Variants in RNF213 observed in about 807,000 individuals in gnomAD.
RNF213 encodes ring finger protein 213.
RNF213 carries 341 observed loss-of-function variants against 514.4 expected under a neutral mutation model. That is an observed-to-expected ratio of 0.66 (90% CI 0.61 to 0.73). The LOEUF (loss-of-function observed/expected upper bound fraction) is 0.73. RNF213 is among the 30% of genes least tolerant of loss of function. RNF213 has a pLI of 0.00. For synonymous variants in RNF213, 2,655 were observed against 2,658.2 expected, an observed-to-expected ratio of 1.00 and a Z score of 0.04; for missense variants, 5,767 against 6,615.6, an observed-to-expected ratio of 0.87 and a Z score of 4.45.
intron 11 of RNF213, among the ~76,000 whole-genome samples, chr17:80,303,139 C>G (rs917422312): frequency 2.0e-5 from 3 of 152,186 alleles, no homozygotes; most frequent in African/African-American, 7.2e-5. Context: ...TGCTCCTGGC[C>G]TTGTGGAGCT....
In RNF213 at chr17:80,376,928, G is replaced by A. The variant is rs762926741; in HGVS notation, c.13475G>A (p.Arg4492Gln). 4.0e-5 allele frequency: 64 copies of A among 1,613,924 alleles called. No homozygotes were observed. Among genetic ancestry groups the A allele is most frequent in the Non-Finnish European group, 5.2e-5 (61 of 1,179,998 alleles). The change falls in exon 53 of 68, where the codon CGG becomes CAG. Residue 4492 changes from arginine to glutamine, a missense_variant. By Grantham distance (43) the Arg-to-Gln change is conservative (BLOSUM62 1). This residue lies in a region of RNF213 where 1,245 missense variants were observed against 1,339.0 expected (regional missense o/e 0.93). Transcript: ENST00000582970. ...TMPEDLLAQARRWKGLERVHW... is the reference protein window; with the variant it reads ...TMPEDLLAQAQRWKGLERVHW... ...CCTGAAGACTTGCTGGCTCAAGCTC[G>A]GAGGTGGAAGGGTCTGGAGCGAGTC...
chr17:80,312,979 G>A, intron 14 of RNF213, 33 bp from the exon 15 acceptor site: 1 of 1,613,356 alleles, frequency 6.2e-7, no homozygotes, highest in Non-Finnish European at 8.5e-7. Context: ...CCACAGCCGA[G>A]GATGACTGAC....
intron 8 of RNF213, among the ~76,000 whole-genome samples, chr17:80,294,170 A>C (rs2044850538): frequency 6.6e-6 from 1 of 152,178 alleles, no homozygotes; most frequent in South Asian, 2.1e-4. Context: ...TATCGTTTGC[A>C]ATGGAGCCTA....
rs2143297942 is a variant in RNF213, at chr17:80,290,686, A to G, written c.1229A>G (p.Glu410Gly). 1 of 1,614,188 alleles carries G rather than the reference A, an allele frequency of 6.2e-7. No individual in the cohort carries two copies. The highest frequency in any genetic ancestry group is 1.3e-5 in the African/African-American group (1 of 75,018). ...ATCAGAGGAGGAGAAGAATTTGGGG[A>G]GTCAAAATGGGACAGCAATATCTGT... ...VFIRGGEEFG[E>G]SKWDSNICEL... The change falls in exon 7 of 68, where the codon GAG becomes GGG. Residue 410 changes from glutamate to glycine, a missense_variant. Physicochemically the swap from Glu to Gly is moderately conservative, Grantham distance 98. Transcript: ENST00000582970.
rs1251662450 is a variant in RNF213 at position 80,345,843 on chromosome 17, G to T, written c.7508G>T (p.Cys2503Phe). ...ATAAGCTGTATCAAAGAAGTCCTGT[G>T]TGATCATATGGTGGATGGCCAGCCT... ...EAISCIKEVL[C>F]DHMVDGQPLA... Residue 2503 changes from cysteine to phenylalanine, a missense_variant, in exon 29 of 68, where the codon TGT (cysteine) becomes TTT (phenylalanine). Coordinates refer to ENST00000582970, the MANE Select transcript of RNF213 (RefSeq NM_001256071.3). This position sits in a 1 kb window ranked among gnomAD's most constrained non-coding sequence, Gnocchi z 6.0. 1 of 1,614,122 alleles carries T rather than the reference G, an allele frequency of 6.2e-7. No individual in the cohort carries two copies.
Position 80,365,937 on chromosome 17 carries a change from G to GTT in RNF213, c.11871+1391_11871+1392dup, listed in dbSNP as rs11383116. Among the ~76,000 whole-genome samples, 177 of 152,044 alleles carry GTT rather than the reference G, an allele frequency of 1.2e-3. 1 individual carries two copies. The highest frequency in any genetic ancestry group is 3.2e-3 in the Admixed American group (49 of 15,272). ...TTGGGAGGTTAGGAACGTGGGGAGG[G>GTT]TTTTTTTTGGCGATAAAATGGCCTC... On this transcript the variant is annotated intron_variant, in intron 42 of 67. Coordinates refer to ENST00000582970, the MANE Select transcript of RNF213 (RefSeq NM_001256071.3).
intron 6 of RNF213, 146 bp from the exon 7 acceptor site, chr17:80,290,424 A>T (rs1453634824): frequency 1.9e-5 from 17 of 887,820 alleles, no homozygotes; most frequent in East Asian, 1.5e-4. Context: ...CGTGTGTGCG[A>T]GTGTGCGCGT....
At chr17:80,291,504 T>C (rs1230315056) in intron 7 of RNF213, 124 bp from the exon 8 acceptor site, 1 of 950,306 alleles carries the variant, frequency 1.1e-6, no homozygotes, top group African/African-American at 1.6e-5. Flanking sequence ...ATTTCAGGCA[T>C]GGGCCACTGA....
chr17:80,385,748 A>C, intron 61 of RNF213, 127 bp downstream of exon 61: 1 of 814,760 alleles, frequency 1.2e-6, no homozygotes, highest in Non-Finnish European at 2.1e-6. Context: ...TTTGAGATGG[A>C]GTCTTGCTCT....
intron 36 of RNF213, among the ~76,000 whole-genome samples, chr17:80,357,902 C>T (rs1287381618): frequency 1.3e-5 from 2 of 152,170 alleles, no homozygotes; most frequent in Admixed American, 6.5e-5. Flanking sequence ...GTGGGAGGAT[C>T]GTTTGAGCCC....
At position 80,319,428 on chromosome 17, in the gene RNF213, T is replaced by C. The variant is rs777994210; in HGVS notation, c.3024+116T>C. 10 of 1,614,178 alleles carry C rather than the reference T, an allele frequency of 6.2e-6. 1 individual carries two copies. In the South Asian group the frequency reaches 1.1e-4, roughly 18 times the overall value. ...CTCAGCTCCTCCGCTAACTCAGAGA[T>C]TGGGAAGTGGGCACCCTCCTCCCTC... On this transcript the variant is annotated intron_variant, in intron 17 of 67. Transcript: ENST00000582970.
rs1051397524 is a variant in RNF213 at position 80,377,923 on chromosome 17, C to T, written c.13545+127C>T. On this transcript the variant is annotated intron_variant, in intron 54 of 67. Transcript: ENST00000582970. The surrounding 1 kb of genome is among the most constrained non-coding windows in gnomAD (Gnocchi z 4.1). Reference sequence around the variant, plus strand: ...GAGAGCACAGGCTCACCGAGGACTGCCCAGGGTGCTCTGAGCAGGGCAATG... The same window carrying T: ...GAGAGCACAGGCTCACCGAGGACTGTCCAGGGTGCTCTGAGCAGGGCAATG... The T allele has an allele frequency of 9.2e-7, 1 of 1,090,730 alleles. No individual in the cohort carries two copies. Among genetic ancestry groups the T allele is most frequent in the African/African-American group, 1.5e-5 (1 of 64,844 alleles). 67.6% of individuals were successfully genotyped at this position (1,090,730 alleles called of 1,614,324 possible).
chr17:80,313,947 GTGGTGGTGGAGGTGATGGTGGAGGTAC>G (rs1344620429), intron 15 of RNF213, among the ~76,000 whole-genome samples: 1 of 23,936 alleles, frequency 4.2e-5, no homozygotes. Flanking sequence ...GGAGGTGATG[GTGGTGGTGGAGGTGATGGTGGAGGTAC>G]TGGAGGTGAT....
intron 15 of RNF213, among the ~76,000 whole-genome samples, chr17:80,314,172 G>T (rs1157563881): frequency 7.1e-5 from 9 of 127,146 alleles, no homozygotes; most frequent in South Asian, 4.8e-4. Context: ...GGTGATGGTG[G>T]AGGTGATGGT....
At chr17:80,265,714 G>A (rs376541167) in intron 2 of RNF213, among the ~76,000 whole-genome samples, 3 of 152,254 alleles carry the variant, frequency 2.0e-5, no homozygotes, top group Non-Finnish European at 1.5e-5. Flanking sequence ...CAGCTCTCAC[G>A]CGATTAGCTG....
chr17:80,368,034 C>T lies in RNF213; in HGVS notation c.12046C>T (p.His4016Tyr), dbSNP rs986596164. ...CGTCTGTCTGCCCTGCGACCACGTG[C>T]ACTGCCTGCGCTGCCTCAGGGCCTG... ...DPVCLPCDHV[H>Y]CLRCLRAWFA... is the part of the protein sequence containing the mutation. The change falls in exon 44 of 68, where the codon CAC becomes TAC. Residue 4016 changes from histidine (H) to tyrosine (Y), a missense_variant. By Grantham distance (83) the His-to-Tyr change is moderately conservative. Around this residue, in one of 13 missense-constraint regions of RNF213, gnomAD observed 25 missense variants for 53.1 expected, o/e 0.47. Coordinates refer to ENST00000582970, the MANE Select transcript of RNF213 (RefSeq NM_001256071.3). 5 of 1,614,146 alleles carry T rather than the reference C, an allele frequency of 3.1e-6. No homozygotes were observed. The African/African-American group carries it at 5.3e-5, about 17-fold the overall frequency.
chr17:80,352,575 G>A lies in RNF213; in HGVS notation c.10304-365G>A, dbSNP rs767113425. The A allele has an allele frequency of 1.3e-4, 72 of 539,744 alleles. 1 individual carries two copies. The highest frequency in any genetic ancestry group is 6.4e-4 in the African/African-American group (34 of 53,120). 33.4% of individuals were successfully genotyped at this position (539,744 alleles called of 1,614,324 possible). A position where few individuals can be genotyped will look rare whatever the true frequency, so the allele number is the denominator to read the frequency against. Reference sequence around the variant, plus strand: ...AAAGTAAGTTTACTTGAATAATTTCGTGGAGAATGGAAGGCAGACCTTGCC... The same window carrying A: ...AAAGTAAGTTTACTTGAATAATTTCATGGAGAATGGAAGGCAGACCTTGCC... On this transcript the variant is annotated intron_variant, in intron 32 of 67. Transcript: ENST00000582970.
chr17:80,344,950 C>A lies in RNF213; in HGVS notation c.6615C>A (p.Cys2205Ter). Reference protein sequence around the residue: ...EECLQHFLFHCGVINPSWSEL... With the variant: ...EECLQHFLFH ...GCCTCCAGCATTTCCTGTTTCACTG[C>A]GGGGTAATAAACCCATCCTGGTCAG... The change falls in exon 29 of 68, where the codon TGC (cysteine) becomes TGA (stop). Residue 2205 changes from cysteine to a stop codon, truncating the protein, a stop_gained. Coordinates refer to ENST00000582970, the MANE Select transcript of RNF213 (RefSeq NM_001256071.3). LOFTEE classifies it high-confidence loss of function. 6.2e-7 allele frequency: 1 copy of A among 1,614,144 alleles called. No individual in the cohort carries two copies. Among genetic ancestry groups the A allele is most frequent in the Non-Finnish European group, 8.5e-7 (1 of 1,180,018 alleles).
intron 51 of RNF213, 54 bp from the exon 52 acceptor site, chr17:80,376,247 C>G: frequency 1.3e-6 from 2 of 1,597,380 alleles, no homozygotes; most frequent in South Asian, 1.1e-5. Context: ...TGTCTAAGAG[C>G]AATTCACACA....
Sources: allele counts gnomAD v4.1 joint callset (sites outside exome capture counted in the v4.1 genomes callset), GRCh38; gene constraint gnomAD v4.1.1; regional missense constraint gnomAD v4.1.1; non-coding constraint Gnocchi (gnomAD v3.1); transcripts MANE v1.5; gene names NCBI Gene and HGNC (gene_info 2026-07-23, HGNC 2026-07-21).